The following LYN variants were observed in gnomAD, a reference collection of about 807,000 sequenced individuals.
The protein encoded by LYN is LYN proto-oncogene, Src family tyrosine kinase.
A neutral mutation model predicts 65.0 loss-of-function variants in LYN; 12 were observed. That is an observed-to-expected ratio of 0.18 (90% CI 0.12 to 0.30). The LOEUF is 0.30. Among genes scored for constraint, LYN ranks in the 10% least tolerant of loss-of-function variants. The probability of loss-of-function intolerance (pLI) is 1.00; values close to 1 mark genes in which losing one functional copy is unlikely to be tolerated. For missense variants in LYN, 380 were observed against 623.2 expected (o/e 0.61, Z 4.16); for synonymous variants, 222 against 221.2 (o/e 1.00, Z -0.03).
chr8:55,918,316 A>G (rs974973881), intron 1 of LYN, among the ~76,000 whole-genome samples: 4 of 152,112 alleles, frequency 2.6e-5, no homozygotes, highest in African/African-American at 9.7e-5. Flanking sequence ...TGCACTTATC[A>G]CCATGCAGAA....
At chr8:55,885,805 G>C (rs549348796) in intron 1 of LYN, among the ~76,000 whole-genome samples, 2 of 152,324 alleles carry the variant, frequency 1.3e-5, no homozygotes, top group Non-Finnish European at 2.9e-5. Context: ...CCCCAGAGGA[G>C]GCAGGCAAGG....
intron 1 of LYN, among the ~76,000 whole-genome samples, chr8:55,915,574 C>T (rs554378111): frequency 4.5e-4 from 69 of 152,204 alleles, no homozygotes; most frequent in Middle Eastern, 3.4e-3. Context: ...GGCATGGTGG[C>T]GGATGCCTGT....
intron 1 of LYN, among the ~76,000 whole-genome samples, chr8:55,901,483 T>C (rs1201506806): frequency 6.6e-6 from 1 of 152,232 alleles, no homozygotes; most frequent in Non-Finnish European, 1.5e-5. Context: ...ATGGGATCCT[T>C]CTTTTGCACA....
intron 6 of LYN, 45 bp from the exon 7 acceptor site, chr8:55,951,921 T>A: frequency 6.5e-7 from 1 of 1,542,984 alleles, no homozygotes; most frequent in African/African-American, 1.4e-5. Flanking sequence ...AATGCAGATC[T>A]TATTTGTGAG....
At chr8:55,954,618 T>A (rs1807049051) in intron 8 of LYN, among the ~76,000 whole-genome samples, 1 of 152,108 alleles carries the variant, frequency 6.6e-6, no homozygotes, top group African/African-American at 2.4e-5. Context: ...GCAGGAAGAT[T>A]GCTTGATCCT....
chr8:55,908,894 A>G (rs900704680), intron 1 of LYN, among the ~76,000 whole-genome samples: 1 of 150,990 alleles, frequency 6.6e-6, no homozygotes, highest in African/African-American at 2.4e-5. Flanking sequence ...TCTTCCATCT[A>G]TGTTGCTGCA....
chr8:55,941,921 C>T lies in LYN; in HGVS notation c.62C>T (p.Thr21Ile). ...AGTGACGATGGAGTAGATTTGAAGA[C>T]TCAACCAGTACGTAATACTGAAAGA... ...SLSDDGVDLK[T>I]QPVRNTERTI... Residue 21 changes from threonine to isoleucine, a missense_variant, in exon 2 of 13, where the codon ACT becomes ATT. Thr to Ile is a moderately conservative substitution (Grantham distance 89). Coordinates refer to ENST00000519728, the MANE Select transcript of LYN (RefSeq NM_002350.4). The T allele has an allele frequency of 6.2e-7, 1 of 1,612,374 alleles. No individual in the cohort carries two copies. The highest frequency in any genetic ancestry group is 1.7e-5 in the Admixed American group (1 of 60,004).
intron 2 of LYN, among the ~76,000 whole-genome samples, chr8:55,946,154 T>C (rs1477962957): frequency 6.6e-6 from 1 of 152,100 alleles, no homozygotes; most frequent in Non-Finnish European, 1.5e-5. Flanking sequence ...CCAAATAATA[T>C]TAGGGCTCTG....
intron 7 of LYN, 34 bp from the exon 8 acceptor site, chr8:55,953,798 A>T (rs1471866170): frequency 6.2e-7 from 1 of 1,608,232 alleles, no homozygotes; most frequent in Non-Finnish European, 8.5e-7. Context: ...AAAGTATTGC[A>T]TTTCTTAACC....
intron 1 of LYN, among the ~76,000 whole-genome samples, chr8:55,930,009 T>A (rs1047606952): frequency 7.2e-5 from 11 of 152,198 alleles, no homozygotes; most frequent in Admixed American, 1.3e-4. Context: ...AGCGCCATAG[T>A]AGATTCTCAT....
chr8:55,998,591 T>A, intron 11 of LYN, 92 bp downstream of exon 11: 1 of 1,169,226 alleles, frequency 8.6e-7, no homozygotes, highest in Non-Finnish European at 1.2e-6. Context: ...TAGTCACCAT[T>A]AAGAAAAACT....
At chr8:55,920,669 C>T (rs1563511117) in intron 1 of LYN, among the ~76,000 whole-genome samples, 1 of 151,736 alleles carries the variant, frequency 6.6e-6, no homozygotes, top group Non-Finnish European at 1.5e-5. Context: ...TGCTGCTTTA[C>T]TTCAGGAAAT....
At chr8:55,955,146 C>T (rs1336484835) in intron 8 of LYN, 1 of 152,292 alleles carries the variant, frequency 6.6e-6, no homozygotes, top group Non-Finnish European at 1.5e-5. Context: ...GGACACGTCA[C>T]CTCTGCATCC....
intron 1 of LYN, among the ~76,000 whole-genome samples, chr8:55,933,391 A>G (rs1312428753): frequency 6.6e-6 from 1 of 152,228 alleles, no homozygotes; most frequent in Non-Finnish European, 1.5e-5. Context: ...CTATTTCTAT[A>G]TGGTATTCCA....
At position 55,941,896 on chromosome 8, in the gene LYN, A is replaced by G; in HGVS notation, c.37A>G (p.Ser13Gly). The G allele has an allele frequency of 1.9e-6, 3 of 1,613,068 alleles. No homozygotes were observed. The highest frequency in any genetic ancestry group is 2.5e-6 in the Non-Finnish European group (3 of 1,179,264). The change falls in exon 2 of 13, where the codon AGT becomes GGT. Residue 13 changes from serine (S) to glycine (G), a missense_variant. Around this residue, in one of 2 missense-constraint regions of LYN, gnomAD observed 157 missense variants for 193.2 expected, o/e 0.81. Coordinates refer to ENST00000519728, the MANE Select transcript of LYN (RefSeq NM_002350.4). Reference sequence around the variant, plus strand: ...AAAATCAAAAGGGAAAGACAGCTTGAGTGACGATGGAGTAGATTTGAAGAC... The same window carrying G: ...AAAATCAAAAGGGAAAGACAGCTTGGGTGACGATGGAGTAGATTTGAAGAC... ...CIKSKGKDSL[S>G]DDGVDLKTQP...
intron 1 of LYN, among the ~76,000 whole-genome samples, chr8:55,916,989 C>T (rs1252548842): frequency 6.6e-6 from 1 of 151,834 alleles, no homozygotes; most frequent in Non-Finnish European, 1.5e-5. Flanking sequence ...CCACCCTGGC[C>T]AACACGGTGA....
intron 1 of LYN, chr8:55,902,768 A>G (rs1402189029): frequency 1.9e-6 from 1 of 514,284 alleles, no homozygotes; most frequent in African/African-American, 1.9e-5. Flanking sequence ...GCATACTGTG[A>G]TGGAAGCATA....
chr8:55,972,786 C>T (rs1166271844), intron 10 of LYN, among the ~76,000 whole-genome samples: 1 of 152,176 alleles, frequency 6.6e-6, no homozygotes, highest in Non-Finnish European at 1.5e-5. Flanking sequence ...ATAATCCAAC[C>T]TTTTCTATAC....
intron 1 of LYN, among the ~76,000 whole-genome samples, chr8:55,881,118 G>A (rs975115590): frequency 9.2e-5 from 14 of 152,296 alleles, no homozygotes; most frequent in African/African-American, 3.4e-4. Flanking sequence ...AAAGCCCCTA[G>A]TACGTACCAA....
Sources: gnomAD v4.1 joint callset for allele counts (sites outside exome capture counted in the v4.1 genomes callset) on GRCh38, gnomAD v4.1.1 for gene constraint, gnomAD v4.1.1 regional missense constraint, MANE v1.5 for transcripts, NCBI Gene and HGNC (gene_info 2026-07-23, HGNC 2026-07-21) for gene names.